The following CRYL1 variants were observed in gnomAD, a reference collection of about 807,000 sequenced individuals.
The protein encoded by CRYL1 is lambda-crystallin homolog.
In CRYL1, 29 loss-of-function variants were observed where a neutral mutation model predicts 36.6. That is an observed-to-expected ratio of 0.79 (90% CI 0.59 to 1.08). CRYL1 has a LOEUF of 1.08. Among genes scored for constraint, CRYL1 ranks in the 50% least tolerant of loss-of-function variants. The pLI is 0.00. For missense variants in CRYL1, 411 were observed against 407.9 expected (o/e 1.01, Z -0.06); for synonymous variants, 152 against 151.5 (o/e 1.00, Z -0.02).
intron 3 of CRYL1, among the ~76,000 whole-genome samples, chr13:20,485,499 T>C (rs953765521): frequency 2.0e-5 from 3 of 151,904 alleles, no homozygotes; most frequent in Non-Finnish European, 4.4e-5. Context: ...CCCATCTCTA[T>C]TAAAAAATGT....
intron 3 of CRYL1, among the ~76,000 whole-genome samples, chr13:20,467,884 G>C (rs1365814451): frequency 6.6e-6 from 1 of 152,218 alleles, no homozygotes; most frequent in Non-Finnish European, 1.5e-5. Context: ...GCAGCAGGAG[G>C]TGAGCCGTGC....
chr13:20,445,360 C>T (rs2032430982), intron 3 of CRYL1, among the ~76,000 whole-genome samples: 1 of 152,108 alleles, frequency 6.6e-6, no homozygotes. Flanking sequence ...GGTAACTGCC[C>T]CAGGCTTCCA....
chr13:20,467,587 C>T (rs1441350360), intron 3 of CRYL1, among the ~76,000 whole-genome samples: 2 of 152,056 alleles, frequency 1.3e-5, no homozygotes, highest in Admixed American at 1.3e-4. Context: ...TTTGGGAGGC[C>T]GAGGCAGGCG....
chr13:20,478,549 T>C (rs527477416), intron 3 of CRYL1, among the ~76,000 whole-genome samples: 1 of 152,264 alleles, frequency 6.6e-6, no homozygotes, highest in Admixed American at 6.5e-5. Context: ...AATCTCAGCT[T>C]ACTGCAACCT....
intron 4 of CRYL1, among the ~76,000 whole-genome samples, chr13:20,438,296 C>G (rs1322615524): frequency 6.6e-6 from 1 of 152,094 alleles, no homozygotes; most frequent in Non-Finnish European, 1.5e-5. Flanking sequence ...AGGAATTGCC[C>G]TGCTCTCGAT....
chr13:20,440,106 A>C (rs1565965080), intron 3 of CRYL1, among the ~76,000 whole-genome samples: 1 of 152,236 alleles, frequency 6.6e-6, no homozygotes, highest in Non-Finnish European at 1.5e-5. Flanking sequence ...GGCCTTGCCA[A>C]CTTCCCTCCA....
rs1455407636 is a variant in CRYL1, at chr13:20,525,167, C to T, written c.41+587G>A. ...GCCCCCACCTCCCCTCTGGAAACAT[C>T]GCCTCGCCCAGGAATTAGGACTGCG... On this transcript the variant is annotated intron_variant, in intron 1 of 7. Coordinates refer to ENST00000298248, the MANE Select transcript of CRYL1 (RefSeq NM_015974.3). The surrounding 1 kb of genome is among the most constrained non-coding windows in gnomAD (Gnocchi z 4.3). Among the ~76,000 whole-genome samples, 2 of 152,160 alleles carry T rather than the reference C, an allele frequency of 1.3e-5. No individual in the cohort carries two copies. Among genetic ancestry groups the T allele is most frequent in the Non-Finnish European group, 2.9e-5 (2 of 68,012 alleles).
chr13:20,459,200 T>C (rs530770743), intron 3 of CRYL1, among the ~76,000 whole-genome samples: 29 of 133,088 alleles, frequency 2.2e-4, no homozygotes, highest in South Asian at 4.8e-4. Flanking sequence ...CACGCCGCTG[T>C]ACTCCAGCCT....
At chr13:20,458,999 G>A (rs894577593) in intron 3 of CRYL1, among the ~76,000 whole-genome samples, 3 of 152,182 alleles carry the variant, frequency 2.0e-5, no homozygotes, top group Non-Finnish European at 4.4e-5. Context: ...ACTTTGGGAG[G>A]CCGAGGCGGG....
At chr13:20,454,296 A>C (rs955627467) in intron 3 of CRYL1, among the ~76,000 whole-genome samples, 4 of 152,184 alleles carry the variant, frequency 2.6e-5, no homozygotes, top group African/African-American at 7.2e-5. Context: ...GACTGGTTCA[A>C]CTTTTTAAAA....
chr13:20,471,829 CTCTT>C (rs1304491942), intron 3 of CRYL1, among the ~76,000 whole-genome samples: 1 of 151,806 alleles, frequency 6.6e-6, no homozygotes, highest in Admixed American at 6.6e-5. Context: ...CCCTCTCTCT[CTCTT>C]TTTCTCTCTC....
intron 6 of CRYL1, among the ~76,000 whole-genome samples, chr13:20,407,622 T>TG (rs1565954371): frequency 6.6e-6 from 1 of 152,196 alleles, no homozygotes; most frequent in Non-Finnish European, 1.5e-5. Context: ...CCCCTGTATT[T>TG]TTTCTTCTGT....
Position 20,494,136 on chromosome 13 carries a change from T to A in CRYL1, c.150-4640A>T, listed in dbSNP as rs556613215. On this transcript the variant is annotated intron_variant, in intron 2 of 7. Transcript: ENST00000298248. ...AGTGGCTAAGCCTTGGAGTCAACAT[T>A]GGTAAAAGACAACCACACTGCCCAT... Among the ~76,000 whole-genome samples the A allele has an allele frequency of 2.0e-5, 3 of 152,306 alleles. No homozygotes were observed. In the East Asian group the frequency reaches 5.8e-4, roughly 29 times the overall value.
chr13:20,525,614 A>T lies in CRYL1; in HGVS notation c.41+140T>A. 1.5e-6 allele frequency: 1 copy of T among 655,766 alleles called. No homozygotes were observed. The highest frequency in any genetic ancestry group is 2.1e-6 in the Non-Finnish European group (1 of 467,288). The allele number at this position is 655,766 out of a possible 1,614,324, so 40.6% of individuals were successfully genotyped here. ...AGCCCGCCAGCGCCGTAGGGGCCGC[A>T]GGGCGCAGGGCTTCGGAGGACCGGA... On this transcript the variant is annotated intron_variant, in intron 1 of 7. Transcript: ENST00000298248. This position sits in a 1 kb window ranked among gnomAD's most constrained non-coding sequence, Gnocchi z 4.3.
intron 6 of CRYL1, among the ~76,000 whole-genome samples, chr13:20,406,914 G>A (rs111932641): frequency 2.5e-4 from 38 of 151,640 alleles, no homozygotes; most frequent in African/African-American, 8.7e-4. Context: ...TTCAGTTCAC[G>A]CAGCACTTGC....
rs1201310651 is a variant in CRYL1, at chr13:20,415,620, C to G, written c.634-2233G>C. ...TCGTTTTGTTTGCGCACACGGGACA[C>G]AAGCATATCGAGGCTGAACAAGCCA... is the stretch of plus-strand genomic sequence containing the variant. On this transcript the variant is annotated intron_variant, in intron 5 of 7. Transcript: ENST00000298248. This position sits in a 1 kb window ranked among gnomAD's most constrained non-coding sequence, Gnocchi z 4.1. 1.3e-5 allele frequency among the ~76,000 whole-genome samples: 2 copies of G among 152,200 alleles called. No individual in the cohort carries two copies. Among genetic ancestry groups the G allele is most frequent in the Non-Finnish European group, 2.9e-5 (2 of 68,022 alleles).
chr13:20,512,749 T>C (rs930733104), intron 1 of CRYL1, among the ~76,000 whole-genome samples, 199 bp from the exon 2 acceptor site: 1 of 152,062 alleles, frequency 6.6e-6, no homozygotes, highest in African/African-American at 2.4e-5. Flanking sequence ...CTGAAAACAT[T>C]GATCTGATGA....
At chr13:20,517,979 A>C (rs1002740356) in intron 1 of CRYL1, among the ~76,000 whole-genome samples, 1 of 150,898 alleles carries the variant, frequency 6.6e-6, no homozygotes, top group African/African-American at 2.4e-5. Context: ...AGCAGTATGA[A>C]TTTATTTGTT....
intron 5 of CRYL1, chr13:20,430,234 G>C: frequency 2.0e-6 from 2 of 984,222 alleles, no homozygotes; most frequent in Non-Finnish European, 2.4e-6. Context: ...TAATTCTTTG[G>C]GTTTTACTCA....
Sources: allele counts gnomAD v4.1 joint callset (sites outside exome capture counted in the v4.1 genomes callset), GRCh38; gene constraint gnomAD v4.1.1; non-coding constraint Gnocchi (gnomAD v3.1); transcripts MANE v1.5; gene names NCBI Gene and HGNC (gene_info 2026-07-23, HGNC 2026-07-21).